Variants in MNAT1 observed in about 807,000 individuals in gnomAD.
MNAT1 encodes CDK-activating kinase assembly factor MAT1.
MNAT1 carries 43 observed loss-of-function variants against 42.0 expected under a neutral mutation model. The ratio of observed to expected loss-of-function variants is 1.02; its 90% CI spans 0.80 to 1.32. The LOEUF (loss-of-function observed/expected upper bound fraction) is 1.32. Among genes scored for constraint, MNAT1 ranks in the 40% most tolerant of loss-of-function variants. The pLI is 0.00. For missense variants in MNAT1, 306 were observed against 350.4 expected (o/e 0.87, Z 1.01); for synonymous variants, 118 against 120.0 (o/e 0.98, Z 0.11).
chr14:60,780,187 A>G (rs188470419), intron 1 of MNAT1: 1 of 1,510,912 alleles, frequency 6.6e-7, no homozygotes, highest in African/African-American at 1.4e-5. Flanking sequence ...ATGTGGTGGA[A>G]CAACTAAAAG....
intron 1 of MNAT1, among the ~76,000 whole-genome samples, chr14:60,751,990 A>G (rs1265610998): frequency 1.3e-5 from 2 of 152,212 alleles, no homozygotes. Context: ...TTACTTATAA[A>G]CAATTCAGCT....
intron 7 of MNAT1, among the ~76,000 whole-genome samples, chr14:60,921,659 A>G (rs925106104): frequency 1.2e-4 from 18 of 152,194 alleles, no homozygotes; most frequent in Admixed American, 1.1e-3. Context: ...ATATATTTAA[A>G]CTTTGTTTCT....
At chr14:60,935,235 G>A (rs4151374) in intron 7 of MNAT1, among the ~76,000 whole-genome samples, 97,833 of 151,590 alleles carry the variant, frequency 0.65, 31,923 homozygotes, top group Non-Finnish European at 0.69. Flanking sequence ...CATATTTCAG[G>A]CAATTGTCAC....
At chr14:60,891,931 G>A (rs1007685389) in intron 7 of MNAT1, among the ~76,000 whole-genome samples, 5 of 151,820 alleles carry the variant, frequency 3.3e-5, no homozygotes, top group African/African-American at 1.2e-4. Flanking sequence ...TGTATTGTAC[G>A]ATTTCTACAA....
chr14:60,924,130 T>A (rs1398553697), intron 7 of MNAT1, among the ~76,000 whole-genome samples: 4 of 152,144 alleles, frequency 2.6e-5, no homozygotes, highest in African/African-American at 9.7e-5. Context: ...ATAGTCTAAT[T>A]TTTTTAGTGA....
At chr14:60,788,525 CTG>C (rs896635147) in intron 1 of MNAT1, among the ~76,000 whole-genome samples, 2 of 152,192 alleles carry the variant, frequency 1.3e-5, no homozygotes, top group African/African-American at 4.8e-5. Context: ...GGCTTCTCCT[CTG>C]TAGCTATGGA....
intron 6 of MNAT1, among the ~76,000 whole-genome samples, chr14:60,862,105 C>A (rs1312287189): frequency 1.3e-5 from 2 of 152,098 alleles, no homozygotes; most frequent in African/African-American, 4.8e-5. Flanking sequence ...TGTAACCTAC[C>A]GTTTAAAATA....
rs139597545 is a variant in MNAT1, at chr14:60,769,699, G to T, written c.90-26518G>T. On this transcript the variant is annotated intron_variant, in intron 1 of 7. Transcript: ENST00000261245. ...GAGACAGGGCCTTACTCCGTTGCCC[G>T]ACTGGAGTGCAGTGGCACCATCAAG... Among the ~76,000 whole-genome samples, 280 of 152,178 alleles carry T rather than the reference G, an allele frequency of 1.8e-3. 2 individuals are homozygous for T. Among genetic ancestry groups the T allele is most frequent in the Admixed American group, 3.5e-3 (53 of 15,298 alleles).
At chr14:60,747,747 C>A (rs2140289869) in intron 1 of MNAT1, among the ~76,000 whole-genome samples, 1 of 152,184 alleles carries the variant, frequency 6.6e-6, no homozygotes, top group East Asian at 1.9e-4. Context: ...ATAATAAACC[C>A]CAGCTTATGG....
At chr14:60,810,375 C>G (rs1274871636) in intron 4 of MNAT1, among the ~76,000 whole-genome samples, 5 of 151,742 alleles carry the variant, frequency 3.3e-5, no homozygotes, top group African/African-American at 1.2e-4. Context: ...ATCCTTTGTT[C>G]TGCTTACTTT....
chr14:60,776,322 A>G (rs1260654774), intron 1 of MNAT1, among the ~76,000 whole-genome samples: 1 of 152,162 alleles, frequency 6.6e-6, no homozygotes, highest in Non-Finnish European at 1.5e-5. Flanking sequence ...GTGAGATGCT[A>G]GAAACAGACA....
intron 2 of MNAT1, among the ~76,000 whole-genome samples, 180 bp from the exon 3 acceptor site, chr14:60,797,907 A>G (rs963130166): frequency 2.0e-5 from 3 of 152,156 alleles, no homozygotes; most frequent in Admixed American, 6.6e-5. Flanking sequence ...TCCAGCCTGG[A>G]CAACAGAGCA....
intron 7 of MNAT1, among the ~76,000 whole-genome samples, chr14:60,910,985 A>G (rs2035340795): frequency 6.6e-6 from 1 of 152,026 alleles, no homozygotes; most frequent in Non-Finnish European, 1.5e-5. Context: ...ACTCTTAATT[A>G]TTGTCTCTAT....
chr14:60,803,446 C>T (rs779922498), intron 3 of MNAT1, among the ~76,000 whole-genome samples: 20 of 152,164 alleles, frequency 1.3e-4, no homozygotes, highest in Non-Finnish European at 2.6e-4. Flanking sequence ...CATTTTTATT[C>T]CTATTTTGCA....
At chr14:60,931,376 T>G (rs2035878186) in intron 7 of MNAT1, among the ~76,000 whole-genome samples, 1 of 152,142 alleles carries the variant, frequency 6.6e-6, no homozygotes. Flanking sequence ...ACTACTCACT[T>G]TTGTTGCCTG....
rs1038136460 is a variant in MNAT1 at position 60,860,595 on chromosome 14, C to T, written c.688-19119C>T. Among the ~76,000 whole-genome samples the T allele has an allele frequency of 8.6e-5, 13 of 151,964 alleles. No individual in the cohort carries two copies. The East Asian group carries it at 1.4e-3, about 16-fold the overall frequency. ...GTCTCCATCTCCTGACCTCGTGATC[C>T]GCCCGCCTCAGCCTCCAAAGTGCTG... On this transcript the variant is annotated intron_variant, in intron 6 of 7. Coordinates refer to ENST00000261245, the MANE Select transcript of MNAT1 (RefSeq NM_002431.4).
chr14:60,817,156 A>G (rs1007930127), intron 5 of MNAT1, among the ~76,000 whole-genome samples: 6 of 151,890 alleles, frequency 4.0e-5, no homozygotes, highest in Non-Finnish European at 7.4e-5. Context: ...TAGTTTCTAC[A>G]TGTGAAAAGA....
Position 60,927,993 on chromosome 14 carries a change from A to G in MNAT1, c.810-40236A>G, listed in dbSNP as rs143539441. ...ACAGTCCAGTTTTAGAACCTTCGACAACCCCAAAAGATCCATCATGTTAGT... is the reference window on the plus strand; with the variant it reads ...ACAGTCCAGTTTTAGAACCTTCGACGACCCCAAAAGATCCATCATGTTAGT... On this transcript the variant is annotated intron_variant, in intron 7 of 7. Coordinates refer to ENST00000261245, the MANE Select transcript of MNAT1 (RefSeq NM_002431.4). Among the ~76,000 whole-genome samples, 144 of 152,328 alleles carry G rather than the reference A, an allele frequency of 9.5e-4. No homozygotes were observed. In the East Asian group the frequency reaches 0.014, roughly 15 times the overall value.
chr14:60,962,709 A>T (rs1342073991), intron 7 of MNAT1, among the ~76,000 whole-genome samples: 2 of 152,216 alleles, frequency 1.3e-5, no homozygotes, highest in Non-Finnish European at 2.9e-5. Context: ...CAGTTATTAA[A>T]TATGAGTAAT....
Sources: allele counts gnomAD v4.1 joint callset (sites outside exome capture counted in the v4.1 genomes callset), GRCh38; gene constraint gnomAD v4.1.1; transcripts MANE v1.5; gene names NCBI Gene and HGNC (gene_info 2026-07-23, HGNC 2026-07-21).